CHL1: variants seen among roughly 807,000 people sequenced by gnomAD.
CHL1 encodes the protein cell adhesion molecule L1 like.
In CHL1, 96 loss-of-function variants were observed where a neutral mutation model predicts 141.9. The observed-to-expected ratio is 0.68, with a 90% confidence interval of 0.57 to 0.80. The LOEUF is 0.80. Among genes scored for constraint, CHL1 ranks in the 30% least tolerant of loss-of-function variants. The pLI, the probability that CHL1 is intolerant of heterozygous loss-of-function variation, is 0.00. For synonymous variants in CHL1, 613 were observed against 502.2 expected, an observed-to-expected ratio of 1.22 and a Z score of -2.95; for missense variants, 1,820 against 1,457.2, an observed-to-expected ratio of 1.25 and a Z score of -4.05.
chr3:360,193 A>G, intron 11 of CHL1, 91 bp from the exon 12 acceptor site: 1 of 1,456,256 alleles, frequency 6.9e-7, no homozygotes, highest in Non-Finnish European at 9.4e-7. Context: ...TGGTTTGAAA[A>G]TATAAATACT....
intron 2 of CHL1, among the ~76,000 whole-genome samples, chr3:288,210 G>A (rs188199394): frequency 2.6e-5 from 4 of 152,292 alleles, no homozygotes; most frequent in Admixed American, 2.6e-4. Flanking sequence ...TCACCAGAAA[G>A]TTGGTCACTA....
rs58803732 is a variant in CHL1 at position 206,512 on chromosome 3, T to G, written c.-175+9449T>G. On this transcript the variant is annotated intron_variant, in intron 1 of 27. Transcript: ENST00000256509. ...TGGGAGGCTGAGGCTGGAGGATCACTTGAGGCCAGGAGTTCAAGACCAGCA... is the reference window on the plus strand; with the variant it reads ...TGGGAGGCTGAGGCTGGAGGATCACGTGAGGCCAGGAGTTCAAGACCAGCA... 2.9e-3 allele frequency among the ~76,000 whole-genome samples: 445 copies of G among 152,148 alleles called. 2 individuals are homozygous for G. Among genetic ancestry groups the G allele is most frequent in the African/African-American group, 1.0e-2 (414 of 41,518 alleles).
At chr3:352,431 T>A (rs1004513549) in intron 10 of CHL1, among the ~76,000 whole-genome samples, 1 of 152,228 alleles carries the variant, frequency 6.6e-6, no homozygotes, top group African/African-American at 2.4e-5. Flanking sequence ...TGTTCAGACA[T>A]TTGCATCTGT....
intron 5 of CHL1, among the ~76,000 whole-genome samples, chr3:334,856 C>A (rs1701740005): frequency 6.6e-6 from 1 of 152,120 alleles, no homozygotes; most frequent in South Asian, 2.1e-4. Context: ...TCATATCCTT[C>A]CCGTTCTGCA....
chr3:243,321 C>T (rs918939628), intron 1 of CHL1, among the ~76,000 whole-genome samples: 1 of 152,106 alleles, frequency 6.6e-6, no homozygotes, highest in Non-Finnish European at 1.5e-5. Flanking sequence ...TCTGTCAGCC[C>T]GCAGAAGTCA....
intron 18 of CHL1, 106 bp downstream of exon 18, chr3:382,777 T>C (rs1031557752): frequency 7.1e-6 from 7 of 983,752 alleles, no homozygotes; most frequent in Non-Finnish European, 1.1e-5. Context: ...TTTAGATTTC[T>C]CCAAATAGTG....
chr3:326,286 T>G (rs1157292643), intron 4 of CHL1, among the ~76,000 whole-genome samples: 1 of 152,060 alleles, frequency 6.6e-6, no homozygotes, highest in Non-Finnish European at 1.5e-5. Context: ...AGGGCTGTTA[T>G]TAAAATACTT....
intron 4 of CHL1, 42 bp from the exon 5 acceptor site, chr3:328,125 T>C: frequency 6.7e-7 from 1 of 1,485,776 alleles, no homozygotes; most frequent in Non-Finnish European, 9.2e-7. Flanking sequence ...TAAACATATG[T>C]CATTATTTTT....
intron 1 of CHL1, among the ~76,000 whole-genome samples, chr3:235,785 G>C (rs1287174828): frequency 6.6e-6 from 1 of 152,104 alleles, no homozygotes; most frequent in Non-Finnish European, 1.5e-5. Context: ...TTACAACATT[G>C]ACATTTTTGC....
chr3:282,950 G>C (rs947113872), intron 2 of CHL1, among the ~76,000 whole-genome samples: 2 of 152,250 alleles, frequency 1.3e-5, no homozygotes, highest in African/African-American at 4.8e-5. Flanking sequence ...CTTTGATTTT[G>C]TGTCCAGGGA....
In CHL1 at chr3:306,729, G is replaced by C. The variant is rs147025481; in HGVS notation, c.-94-12954G>C. Among the ~76,000 whole-genome samples, 272 of 151,880 alleles carry C rather than the reference G, an allele frequency of 1.8e-3. 1 individual carries two copies. Among genetic ancestry groups the C allele is most frequent in the African/African-American group, 6.3e-3 (258 of 41,218 alleles). On this transcript the variant is annotated intron_variant, in intron 2 of 27. Transcript: ENST00000256509. ...GCAAAAAATAAACAGTTATGAAACA[G>C]TATAGAGATAAAAAAATCAAAGGTG...
chr3:398,362 A>G lies in CHL1; in HGVS notation c.3230A>G (p.Asp1077Gly). The change falls in exon 25 of 28, where the codon GAT becomes GGT. Residue 1077 changes from aspartate (D) to glycine (G), a missense_variant. By Grantham distance (94) the Asp-to-Gly change is moderately conservative. Transcript: ENST00000256509. ...GGCGATAATGATAGCATTTTTCAAG[A>G]TGTAATTGAGACAAGAGGGAGAGGT... Reference protein sequence around the residue: ...NWGDNDSIFQDVIETRGREYA... With the variant: ...NWGDNDSIFQGVIETRGREYA... 1.2e-6 allele frequency: 2 copies of G among 1,603,006 alleles called. No individual in the cohort carries two copies. The highest frequency in any genetic ancestry group is 2.2e-5 in the East Asian group (1 of 44,768).
At chr3:374,942 G>T (rs1014009361) in intron 15 of CHL1, among the ~76,000 whole-genome samples, 1 of 152,216 alleles carries the variant, frequency 6.6e-6, no homozygotes, top group African/African-American at 2.4e-5. Context: ...ACAATGAGAA[G>T]TGAAAATTCC....
chr3:236,276 A>T (rs1255620539), intron 1 of CHL1, among the ~76,000 whole-genome samples: 2 of 152,174 alleles, frequency 1.3e-5, no homozygotes, highest in African/African-American at 2.4e-5. Flanking sequence ...GGCAGAGCTT[A>T]TTCATTCACT....
intron 2 of CHL1, chr3:309,343 G>C (rs1387984345): frequency 1.3e-5 from 2 of 151,742 alleles, no homozygotes; most frequent in Non-Finnish European, 2.9e-5. Flanking sequence ...TGGTTGGAAA[G>C]AAAAACTTAG....
At chr3:318,868 T>C (rs1293431702) in intron 2 of CHL1, among the ~76,000 whole-genome samples, 1 of 151,528 alleles carries the variant, frequency 6.6e-6, no homozygotes, top group African/African-American at 2.4e-5. Context: ...ATATCTAATA[T>C]GAGGAACTGA....
At chr3:244,724 T>C (rs1692994584) in intron 2 of CHL1, 32 bp downstream of exon 2, 1 of 152,234 alleles carries the variant, frequency 6.6e-6, no homozygotes, top group Non-Finnish European at 1.5e-5. Flanking sequence ...AGTTGTTTTA[T>C]GCATTTTTGA....
At chr3:398,950 C>T in intron 25 of CHL1, 67 bp from the exon 26 acceptor site, 5 of 1,464,366 alleles carry the variant, frequency 3.4e-6, no homozygotes, top group Non-Finnish European at 4.7e-6. Context: ...TCTAATTTTC[C>T]CCAATGTTAC....
At chr3:315,046 C>G (rs1700058709) in intron 2 of CHL1, among the ~76,000 whole-genome samples, 1 of 152,124 alleles carries the variant, frequency 6.6e-6, no homozygotes, top group Non-Finnish European at 1.5e-5. Context: ...TTTTGTAACT[C>G]TAATAGCATC....
Sources: allele counts gnomAD v4.1 joint callset (sites outside exome capture counted in the v4.1 genomes callset), GRCh38; gene constraint gnomAD v4.1.1; transcripts MANE v1.5; gene names NCBI Gene and HGNC (gene_info 2026-07-23, HGNC 2026-07-21).